Variants in SLC27A6 observed in about 807,000 individuals in gnomAD.
SLC27A6 encodes the protein long-chain fatty acid transport protein 6.
In SLC27A6, 74 loss-of-function variants were observed where a neutral mutation model predicts 63.9. The observed-to-expected ratio is 1.16, with a 90% CI of 0.96 to 1.40. SLC27A6 has a LOEUF of 1.40. Among genes scored for constraint, SLC27A6 ranks in the 40% most tolerant of loss-of-function variants. The probability of loss-of-function intolerance (pLI) is 0.00; values close to 1 mark genes in which losing one functional copy is unlikely to be tolerated. For missense variants in SLC27A6, 794 were observed against 732.9 expected (o/e 1.08, Z -0.96); for synonymous variants, 287 against 260.8 (o/e 1.10, Z -0.97).
At chr5:128,968,948 T>C (rs924457899) in intron 1 of SLC27A6, among the ~76,000 whole-genome samples, 2 of 152,222 alleles carry the variant, frequency 1.3e-5, no homozygotes, top group African/African-American at 4.8e-5. Context: ...GTATAAGGTG[T>C]AAGGAAGGTA....
chr5:129,021,531 G>A, intron 5 of SLC27A6, among the ~76,000 whole-genome samples: 1 of 152,194 alleles, frequency 6.6e-6, no homozygotes, highest in East Asian at 1.9e-4. Context: ...TGTGTGCATT[G>A]CACAGTTCTG....
rs1043509518 is a variant in SLC27A6, at chr5:128,965,927, G to A, written c.-211G>A. Reference sequence around the variant, plus strand: ...CCCAGTGACCCAAGCTTAATCTTCAGCACCACTTGGGGCGACCTTTTCGGT... The same window carrying A: ...CCCAGTGACCCAAGCTTAATCTTCAACACCACTTGGGGCGACCTTTTCGGT... On this transcript the variant is annotated 5_prime_UTR_variant, in exon 1 of 10. Transcript: ENST00000262462. 9 of 480,508 alleles carry A rather than the reference G, an allele frequency of 1.9e-5. No individual in the cohort carries two copies. Among genetic ancestry groups the A allele is most frequent in the Non-Finnish European group, 3.1e-5 (9 of 288,466 alleles). 29.8% of individuals were successfully genotyped at this position (480,508 alleles called of 1,614,324 possible).
rs148850719 is a variant in SLC27A6 at position 129,015,922 on chromosome 5, T to C, written c.1007T>C (p.Ile336Thr). 4 of 1,598,576 alleles carry C rather than the reference T, an allele frequency of 2.5e-6. No homozygotes were observed. The highest frequency in any genetic ancestry group is 2.7e-5 in the African/African-American group (2 of 73,814). ...AAGGATCATAAGGTGCGTTTGGCAA[T>C]TGGAAATGGCATACGGAGTGATGTA... ...GEKDHKVRLA[I>T]GNGIRSDVWR... The change falls in exon 5 of 10, where the codon ATT (isoleucine) becomes ACT (threonine). Residue 336 changes from isoleucine to threonine, a missense_variant. Physicochemically the swap from Ile to Thr is moderately conservative, Grantham distance 89 (BLOSUM62 -1). Coordinates refer to ENST00000262462, the MANE Select transcript of SLC27A6 (RefSeq NM_001017372.3).
chr5:128,990,431 A>T lies in SLC27A6; in HGVS notation c.936A>T (p.Gly312=). The change falls in exon 4 of 10, where the codon GGA becomes GGT. Residue 312 remains glycine, a synonymous_variant. Coordinates refer to ENST00000262462, the MANE Select transcript of SLC27A6 (RefSeq NM_001017372.3). Reference sequence around the variant, plus strand: ...ATGTGACTGTGTTTCAGTATATTGGAGAACTTTGTCGCTACCTTTGCAAAC... The same window carrying T: ...ATGTGACTGTGTTTCAGTATATTGGTGAACTTTGTCGCTACCTTTGCAAAC... ...KYDVTVFQYI[G]ELCRYLCKQS... is the part of the protein sequence containing the mutation. 6.2e-7 allele frequency: 1 copy of T among 1,613,600 alleles called. No individual in the cohort carries two copies. The highest frequency in any genetic ancestry group is 8.5e-7 in the Non-Finnish European group (1 of 1,179,876).
chr5:128,990,832 GCGAGCCT>G (rs1261991847), intron 4 of SLC27A6, among the ~76,000 whole-genome samples: 3 of 152,208 alleles, frequency 2.0e-5, no homozygotes, highest in Non-Finnish European at 4.4e-5. Context: ...AGGAACAATG[GCGAGCCT>G]CTAGCCCGAT....
rs757861120 is a variant in SLC27A6 at position 129,027,312 on chromosome 5, C to G, written c.1435C>G (p.Arg479Gly). Residue 479 changes from arginine (R) to glycine (G), a missense_variant, in exon 7 of 10, where the codon CGT (arginine) becomes GGT (glycine). Transcript: ENST00000262462. The part of the protein sequence containing the change: ...DQDNFLYFWD[R>G]TGDTFRWKGE... ...GGACAATTTCCTTTATTTTTGGGAC[C>G]GTACTGGAGACACTTTCAGGTATGA... 4.3e-6 allele frequency: 7 copies of G among 1,611,384 alleles called. No individual in the cohort carries two copies. The highest frequency in any genetic ancestry group is 5.9e-6 in the Non-Finnish European group (7 of 1,178,064).
At chr5:129,023,799 C>G in intron 6 of SLC27A6, 89 bp downstream of exon 6, 1 of 917,142 alleles carries the variant, frequency 1.1e-6, no homozygotes, top group Non-Finnish European at 1.7e-6. Context: ...GGGATTGGTT[C>G]CAGGACCCCG....
intron 7 of SLC27A6, 70 bp from the exon 8 acceptor site, chr5:129,028,275 A>G (rs1752308613): frequency 9.9e-7 from 1 of 1,010,286 alleles, no homozygotes; most frequent in Non-Finnish European, 1.6e-6. Flanking sequence ...GCAAGACATT[A>G]AAACTAAAAC....
At chr5:129,013,850 A>C (rs572174319) in intron 4 of SLC27A6, among the ~76,000 whole-genome samples, 1 of 152,186 alleles carries the variant, frequency 6.6e-6, no homozygotes, top group South Asian at 2.1e-4. Flanking sequence ...TTCCTTTTAC[A>C]TATTTTTATT....
At chr5:129,005,973 C>T (rs920210370) in intron 4 of SLC27A6, among the ~76,000 whole-genome samples, 6 of 151,406 alleles carry the variant, frequency 4.0e-5, no homozygotes, top group African/African-American at 1.5e-4. Flanking sequence ...TCAGATTGGG[C>T]CCCTGCAGGC....
chr5:129,006,965 A>G (rs1751561805), intron 4 of SLC27A6, among the ~76,000 whole-genome samples: 1 of 152,174 alleles, frequency 6.6e-6, no homozygotes, highest in Non-Finnish European at 1.5e-5. Context: ...ATTGACCATC[A>G]TTATGTACAG....
At chr5:129,027,944 C>T (rs1170439033) in intron 7 of SLC27A6, among the ~76,000 whole-genome samples, 4 of 151,982 alleles carry the variant, frequency 2.6e-5, no homozygotes, top group Non-Finnish European at 5.9e-5. Context: ...GGGGTTAACA[C>T]CTAGAAACTG....
Position 128,966,312 on chromosome 5 carries a change from A to G in SLC27A6, c.175A>G (p.Lys59Glu). ...AGGGGAGCTGGTGACTGTGCTGGAT[A>G]AATTCTTGAGTCATGCCAAAAGACA... is the stretch of plus-strand genomic sequence containing the variant. The part of the protein sequence containing the change: ...KRGELVTVLD[K>E]FLSHAKRQPR... Residue 59 changes from lysine to glutamate, a missense_variant, in exon 1 of 10, where the codon AAA becomes GAA. Lys to Glu is a moderately conservative substitution (Grantham distance 56). Transcript: ENST00000262462. The G allele has an allele frequency of 6.2e-7, 1 of 1,614,118 alleles. No homozygotes were observed. Among genetic ancestry groups the G allele is most frequent in the East Asian group, 2.2e-5 (1 of 44,880 alleles).
Position 128,983,630 on chromosome 5 carries a change from T to A in SLC27A6, c.482-1503T>A, listed in dbSNP as rs535603334. ...TATTTTACATTTAGCACCATTATTT[T>A]TTCTTTTTTGCCATTTATTTCTTTT... On this transcript the variant is annotated intron_variant, in intron 1 of 9. Transcript: ENST00000262462. Among the ~76,000 whole-genome samples, 3 of 152,258 alleles carry A rather than the reference T, an allele frequency of 2.0e-5. No individual in the cohort carries two copies. The East Asian group carries it at 5.8e-4, about 29-fold the overall frequency.
chr5:129,018,019 A>C (rs144694088), intron 5 of SLC27A6, among the ~76,000 whole-genome samples: 2 of 152,150 alleles, frequency 1.3e-5, no homozygotes, highest in Middle Eastern at 3.2e-3. Flanking sequence ...TCCTACAGAC[A>C]TACATGTATG....
At chr5:129,004,441 C>A (rs900251254) in intron 4 of SLC27A6, among the ~76,000 whole-genome samples, 1 of 152,124 alleles carries the variant, frequency 6.6e-6, no homozygotes, top group Non-Finnish European at 1.5e-5. Flanking sequence ...GTCTTTCCTG[C>A]TTTTCGTCAG....
At chr5:128,987,398 G>A (rs973265303) in intron 2 of SLC27A6, among the ~76,000 whole-genome samples, 1 of 151,940 alleles carries the variant, frequency 6.6e-6, no homozygotes, top group African/African-American at 2.4e-5. Context: ...TTGTGTTTTT[G>A]TGTCTGCACT....
At chr5:129,000,292 C>G (rs903000678) in intron 4 of SLC27A6, among the ~76,000 whole-genome samples, 2 of 152,178 alleles carry the variant, frequency 1.3e-5, no homozygotes, top group African/African-American at 4.8e-5. Context: ...CTTTATCTCT[C>G]TTAATCTTCT....
At chr5:128,999,897 A>G (rs930180510) in intron 4 of SLC27A6, among the ~76,000 whole-genome samples, 2 of 152,208 alleles carry the variant, frequency 1.3e-5, no homozygotes, top group Admixed American at 1.3e-4. Flanking sequence ...CAAAAAGGTT[A>G]ACTACTGACA....
Sources: gnomAD v4.1 joint callset for allele counts (sites outside exome capture counted in the v4.1 genomes callset) on GRCh38, gnomAD v4.1.1 for gene constraint, MANE v1.5 for transcripts, NCBI Gene and HGNC (gene_info 2026-07-23, HGNC 2026-07-21) for gene names.